The following ACSL5 variants were observed in gnomAD, a reference collection of about 807,000 sequenced individuals.
ACSL5 encodes the protein long-chain-fatty-acid--CoA ligase 5.
A neutral mutation model predicts 84.9 loss-of-function variants in ACSL5; 50 were observed. The observed-to-expected ratio is 0.59, with a 90% confidence interval of 0.47 to 0.75. ACSL5 has a LOEUF of 0.75. Ranked by LOEUF, ACSL5 falls within the 30% of genes least tolerant of loss-of-function variation. The pLI, the probability that ACSL5 is intolerant of heterozygous loss-of-function variation, is 0.00. For synonymous variants in ACSL5, 280 were observed against 300.7 expected, an observed-to-expected ratio of 0.93 and a Z score of 0.71; for missense variants, 775 against 830.4, an observed-to-expected ratio of 0.93 and a Z score of 0.82.
At chr10:112,401,829 TTTC>T (rs1843910728) in intron 3 of ACSL5, among the ~76,000 whole-genome samples, 2 of 111,596 alleles carry the variant, frequency 1.8e-5, no homozygotes, top group African/African-American at 6.4e-5. Context: ...TCTTTCTTTC[TTTC>T]TTTCTTTCTT....
intron 1 of ACSL5, among the ~76,000 whole-genome samples, chr10:112,381,039 A>C (rs942164854): frequency 1.3e-5 from 2 of 152,102 alleles, no homozygotes; most frequent in East Asian, 1.9e-4. Flanking sequence ...CAAAGTGCAG[A>C]GATTACAGGG....
intron 3 of ACSL5, among the ~76,000 whole-genome samples, chr10:112,400,129 A>G (rs1268897136): frequency 1.3e-5 from 2 of 152,234 alleles, no homozygotes; most frequent in Non-Finnish European, 2.9e-5. Flanking sequence ...AATAACAAAT[A>G]AAAACAAACC....
At chr10:112,389,774 G>A (rs1849521233) in intron 1 of ACSL5, among the ~76,000 whole-genome samples, 2 of 152,188 alleles carry the variant, frequency 1.3e-5, no homozygotes, top group Admixed American at 1.3e-4. Context: ...ATGGTAAACA[G>A]AGCTTCCTAC....
At chr10:112,386,791 T>C (rs1363385440) in intron 1 of ACSL5, among the ~76,000 whole-genome samples, 2 of 152,200 alleles carry the variant, frequency 1.3e-5, no homozygotes, top group East Asian at 3.9e-4. Flanking sequence ...GTTTTACGCA[T>C]TTATTCTTAT....
At chr10:112,403,359 C>A (rs1589685926) in intron 3 of ACSL5, among the ~76,000 whole-genome samples, 1 of 152,374 alleles carries the variant, frequency 6.6e-6, no homozygotes, top group African/African-American at 2.4e-5. Flanking sequence ...ACGATCTCAA[C>A]TCATCGCAAC....
chr10:112,414,493 T>C (rs1844271120), intron 12 of ACSL5, among the ~76,000 whole-genome samples: 1 of 151,938 alleles, frequency 6.6e-6, no homozygotes, highest in East Asian at 1.9e-4. Flanking sequence ...GAGCTGGGAT[T>C]ATAGGCGTGC....
In ACSL5 at chr10:112,411,978, A is replaced by G; in HGVS notation, c.947A>G (p.Gln316Arg). ...GCTCATATGTTTGAGAGGATTGTAC[A>G]GGTGAGTGTTCTGTGTTCCTAGCAG... is the stretch of plus-strand genomic sequence containing the variant. ...PLAHMFERIV[Q>R]AVVYSCGARV... is the part of the protein sequence containing the mutation. The change falls in exon 11 of 21, where the codon CAG becomes CGG. Residue 316 changes from glutamine to arginine, a missense_variant and splice_region_variant. By Grantham distance (43) the Gln-to-Arg change is conservative (BLOSUM62 1). Coordinates refer to ENST00000354655, the MANE Select transcript of ACSL5 (RefSeq NM_203379.2). The G allele has an allele frequency of 6.2e-7, 1 of 1,611,562 alleles. No homozygotes were observed. Among genetic ancestry groups the G allele is most frequent in the Non-Finnish European group, 8.5e-7 (1 of 1,177,590 alleles).
At chr10:112,376,470 T>A in intron 1 of ACSL5, 1 of 1,612,518 alleles carries the variant, frequency 6.2e-7, no homozygotes. Context: ...ATCGAGGGGG[T>A]GTTATTCAGC....
intron 1 of ACSL5, among the ~76,000 whole-genome samples, chr10:112,383,005 A>T (rs367826632): frequency 6.6e-6 from 1 of 152,302 alleles, no homozygotes; most frequent in African/African-American, 2.4e-5. Context: ...GCCATGGCTC[A>T]TGCCTGTAAT....
At chr10:112,388,270 T>A (rs977756855) in intron 1 of ACSL5, among the ~76,000 whole-genome samples, 5 of 152,222 alleles carry the variant, frequency 3.3e-5, no homozygotes, top group African/African-American at 1.2e-4. Flanking sequence ...CTGGACTTTC[T>A]ACCTACTTAT....
At position 112,422,513 on chromosome 10, in the gene ACSL5, G is replaced by A; in HGVS notation, c.1593+72G>A. ...GAAGAACAATCTGCTTATAGCAAGAGGTGCAGAAATGCAAGTAGGTTAATC... is the reference window on the plus strand; with the variant it reads ...GAAGAACAATCTGCTTATAGCAAGAAGTGCAGAAATGCAAGTAGGTTAATC... On this transcript the variant is annotated intron_variant, in intron 17 of 20. Coordinates refer to ENST00000354655, the MANE Select transcript of ACSL5 (RefSeq NM_203379.2). The A allele has an allele frequency of 1.1e-5, 16 of 1,437,880 alleles. No individual in the cohort carries two copies. The South Asian group carries it at 1.9e-4, about 17-fold the overall frequency. The allele number at this position is 1,437,880 out of a possible 1,614,324, so 89.1% of individuals were successfully genotyped here.
intron 2 of ACSL5, among the ~76,000 whole-genome samples, chr10:112,397,412 C>T (rs147412846): frequency 0.021 from 3,260 of 152,162 alleles, 115 homozygotes; most frequent in African/African-American, 0.074. Flanking sequence ...TCAGATGATC[C>T]ACCTGCCTTG....
At chr10:112,423,691 A>G (rs1844564866) in intron 17 of ACSL5, among the ~76,000 whole-genome samples, 1 of 152,190 alleles carries the variant, frequency 6.6e-6, no homozygotes, top group African/African-American at 2.4e-5. Context: ...AGACCTGCAC[A>G]TCAGAGTTGG....
intron 1 of ACSL5, among the ~76,000 whole-genome samples, chr10:112,392,530 A>G (rs1388387423): frequency 6.6e-6 from 1 of 152,178 alleles, no homozygotes; most frequent in African/African-American, 2.4e-5. Context: ...TCACGAGGTC[A>G]GGAGATCGAG....
Position 112,374,719 on chromosome 10 carries a change from T to A in ACSL5, c.-30+450T>A, listed in dbSNP as rs138845745. On this transcript the variant is annotated intron_variant, in intron 1 of 20. Coordinates refer to ENST00000354655, the MANE Select transcript of ACSL5 (RefSeq NM_203379.2). The stretch of plus-strand genomic sequence containing the variant: ...GCTGGGGACTGTTCTGGGTAGATTA[T>A]GTATGTTACTTCATTGGTGTATCTC... Among the ~76,000 whole-genome samples the A allele has an allele frequency of 1.6e-3, 242 of 152,286 alleles. 1 individual carries two copies. Among genetic ancestry groups the A allele is most frequent in the African/African-American group, 5.4e-3 (226 of 41,578 alleles).
chr10:112,384,242 TC>T (rs1849406732), intron 1 of ACSL5, among the ~76,000 whole-genome samples: 1 of 152,086 alleles, frequency 6.6e-6, no homozygotes, highest in Non-Finnish European at 1.5e-5. Flanking sequence ...CAGTTCTCTT[TC>T]CCTACTCTTG....
intron 15 of ACSL5, 40 bp from the exon 16 acceptor site, chr10:112,421,907 T>C (rs368198731): frequency 1.7e-5 from 27 of 1,568,042 alleles, no homozygotes; most frequent in Non-Finnish European, 2.4e-5. Context: ...ATTATCACCA[T>C]GCAAGAGTTT....
chr10:112,427,210 T>A lies in ACSL5; in HGVS notation c.1912-8T>A. 2 of 1,608,976 alleles carry A rather than the reference T, an allele frequency of 1.2e-6. No homozygotes were observed. Among genetic ancestry groups the A allele is most frequent in the East Asian group, 2.2e-5 (1 of 44,806 alleles). On this transcript the variant is annotated splice_polypyrimidine_tract_variant and splice_region_variant and intron_variant, in intron 20 of 20. Coordinates refer to ENST00000354655, the MANE Select transcript of ACSL5 (RefSeq NM_203379.2). Reference sequence around the variant, plus strand: ...ATGAGCATGGATGTGTGTGTGTTCATCTTCCAGGTCAAAGCCATTTTTCTT... The same window carrying A: ...ATGAGCATGGATGTGTGTGTGTTCAACTTCCAGGTCAAAGCCATTTTTCTT...
At chr10:112,381,043 T>C (rs1050408026) in intron 1 of ACSL5, among the ~76,000 whole-genome samples, 7 of 152,164 alleles carry the variant, frequency 4.6e-5, no homozygotes, top group African/African-American at 1.4e-4. Flanking sequence ...GTGCAGAGAT[T>C]ACAGGGATGG....
Sources: gnomAD v4.1 joint callset for allele counts (sites outside exome capture counted in the v4.1 genomes callset) on GRCh38, gnomAD v4.1.1 for gene constraint, MANE v1.5 for transcripts, NCBI Gene and HGNC (gene_info 2026-07-23, HGNC 2026-07-21) for gene names.